The following LARP4B variants were observed in gnomAD, a reference collection of about 807,000 sequenced individuals.
LARP4B encodes the protein La ribonucleoprotein 4B, also known as la-related protein 4B.
LARP4B carries 12 observed loss-of-function variants against 89.8 expected under a neutral mutation model. That is an observed-to-expected ratio of 0.13 (90% CI 0.09 to 0.22). The LOEUF (loss-of-function observed/expected upper bound fraction) is 0.22, where lower values mean the gene tolerates loss of function less well. LARP4B is among the 10% of genes least tolerant of loss of function. The pLI, the probability that LARP4B is intolerant of heterozygous loss-of-function variation, is 1.00. For synonymous variants in LARP4B, 367 were observed against 363.3 expected (o/e 1.01, Z -0.12); for missense variants, 757 against 947.7 (o/e 0.80, Z 2.64).
intron 1 of LARP4B, among the ~76,000 whole-genome samples, chr10:911,668 G>C (rs1836668586): frequency 1.3e-5 from 2 of 152,168 alleles, no homozygotes; most frequent in Admixed American, 1.3e-4. Flanking sequence ...ACAGGAAGAG[G>C]CAACACTCAC....
chr10:894,901 T>A (rs1836140713), intron 1 of LARP4B, among the ~76,000 whole-genome samples: 1 of 152,150 alleles, frequency 6.6e-6, no homozygotes. Flanking sequence ...CTGTCCACAA[T>A]AAGCCAGGCA....
intron 11 of LARP4B, among the ~76,000 whole-genome samples, chr10:826,597 AAAAC>A (rs879892392): frequency 7.2e-5 from 11 of 152,328 alleles, no homozygotes; most frequent in East Asian, 5.8e-4. Flanking sequence ...AGTTCCTTTA[AAAAC>A]AAACAAACAA....
At position 830,925 on chromosome 10, in the gene LARP4B, TCA is replaced by T. The variant is rs1832871459; in HGVS notation, c.801_802del (p.Cys267Ter). The T allele has an allele frequency of 7.0e-7, 1 of 1,419,382 alleles. No individual in the cohort carries two copies. The allele number at this position is 1,419,382 out of a possible 1,614,324, so 87.9% of individuals were successfully genotyped here. Reference sequence around the variant, plus strand: ...AAACCAATTATCATTATATGCAAATTCACAGTTTATAAATTTTGGTAAATTAT... The same window carrying T: ...AAACCAATTATCATTATATGCAAATTCAGTTTATAAATTTTGGTAAATTAT... On this transcript the variant is annotated stop_gained and frameshift_variant, in exon 9 of 18. Transcript: ENST00000316157. LOFTEE classifies it high-confidence loss of function.
chr10:916,186 T>C (rs1836816813), intron 1 of LARP4B, among the ~76,000 whole-genome samples: 1 of 152,184 alleles, frequency 6.6e-6, no homozygotes, highest in South Asian at 2.1e-4. Context: ...ATGTCAGACA[T>C]AATTATGGTT....
chr10:950,411 G>A, the LARP4B span, among the ~76,000 whole-genome samples: 20 of 152,234 alleles, frequency 1.3e-4, no homozygotes, highest in Non-Finnish European at 2.6e-4. Context: ...TTAAGTCTGT[G>A]ATCCATTTTG....
chr10:954,039 G>A, the LARP4B span, among the ~76,000 whole-genome samples: 1 of 152,246 alleles, frequency 6.6e-6, no homozygotes, highest in African/African-American at 2.4e-5. The surrounding 1 kb of genome is among the most constrained non-coding windows in gnomAD (Gnocchi z 5.0). Flanking sequence ...CTGGAGTCCT[G>A]TCTGTGTGTG....
At chr10:983,597 C>T in the LARP4B span, among the ~76,000 whole-genome samples, 531 of 152,262 alleles carry the variant, frequency 3.5e-3, 3 homozygotes, top group African/African-American at 0.012. Flanking sequence ...GTCGGGGAAG[C>T]CTGGGAGCAG....
chr10:894,007 A>G (rs989680832), intron 1 of LARP4B, among the ~76,000 whole-genome samples: 1 of 152,218 alleles, frequency 6.6e-6, no homozygotes, highest in Admixed American at 6.5e-5. Flanking sequence ...CAAGAACCAC[A>G]GTCAATGGGG....
In LARP4B at chr10:811,533, G is replaced by T. The variant is rs1481525744; in HGVS notation, c.*1393C>A. Reference sequence around the variant, plus strand: ...GCGACAGGAGATCCACGCAGTAACTGAGTAACTCTGACCCACTCACGCCAA... The same window carrying T: ...GCGACAGGAGATCCACGCAGTAACTTAGTAACTCTGACCCACTCACGCCAA... On this transcript the variant is annotated 3_prime_UTR_variant, in exon 18 of 18. Transcript: ENST00000316157. The T allele has an allele frequency of 2.6e-5, 4 of 152,640 alleles. No individual in the cohort carries two copies. Among genetic ancestry groups the T allele is most frequent in the Admixed American group, 6.5e-5 (1 of 15,286 alleles). The allele number at this position is 152,640 out of a possible 1,614,324, so 9.5% of individuals were successfully genotyped here.
chr10:896,153 C>T (rs1836183237), intron 1 of LARP4B, among the ~76,000 whole-genome samples: 1 of 152,250 alleles, frequency 6.6e-6, no homozygotes, highest in Admixed American at 6.5e-5. Context: ...ACTGCTCAGT[C>T]CTGTTCACTA....
chr10:906,789 G>C (rs1244302968), intron 1 of LARP4B, among the ~76,000 whole-genome samples: 1 of 152,176 alleles, frequency 6.6e-6, no homozygotes, highest in African/African-American at 2.4e-5. Flanking sequence ...ATTGACTCAG[G>C]TGCCCAAGGC....
At chr10:893,628 T>C (rs1374227350) in intron 1 of LARP4B, among the ~76,000 whole-genome samples, 1 of 152,224 alleles carries the variant, frequency 6.6e-6, no homozygotes, top group Non-Finnish European at 1.5e-5. Flanking sequence ...TCTTGCCTTA[T>C]TCATCTACGC....
intron 5 of LARP4B, among the ~76,000 whole-genome samples, chr10:861,228 A>T (rs575257355): frequency 3.9e-5 from 6 of 152,318 alleles, no homozygotes; most frequent in Admixed American, 3.9e-4. Context: ...GGTGTTTGGG[A>T]TGTTCGTGAT....
At chr10:807,974 T>G (rs780438851), downstream of LARP4B, 1 of 152,252 alleles carries the variant, frequency 6.6e-6, no homozygotes, top group African/African-American at 2.4e-5. Flanking sequence ...CCTTCTTCAG[T>G]TGGTTCAATC....
At chr10:937,354 A>T in the LARP4B span, among the ~76,000 whole-genome samples, 2 of 152,150 alleles carry the variant, frequency 1.3e-5, no homozygotes, top group African/African-American at 2.4e-5. Context: ...GAATTATTTT[A>T]AAAATCACTA....
intron 3 of LARP4B, among the ~76,000 whole-genome samples, chr10:867,400 T>G (rs1438961079): frequency 6.6e-6 from 1 of 152,182 alleles, no homozygotes; most frequent in Non-Finnish European, 1.5e-5. Context: ...ATTAGAAAGT[T>G]AGATTCTAAG....
At chr10:935,636 T>C (rs1399532632), upstream of LARP4B, among the ~76,000 whole-genome samples, 5 of 151,970 alleles carry the variant, frequency 3.3e-5, no homozygotes, top group Non-Finnish European at 5.9e-5. Flanking sequence ...ACCAAACAAA[T>C]ACAGCATGTG....
In LARP4B at chr10:885,130, C is replaced by G. The variant is rs142386547; in HGVS notation, c.81+511G>C. 4.8e-3 allele frequency among the ~76,000 whole-genome samples: 727 copies of G among 152,274 alleles called. 5 individuals carry two copies. Among genetic ancestry groups the G allele is most frequent in the African/African-American group, 0.016 (685 of 41,528 alleles). The stretch of plus-strand genomic sequence containing the variant: ...TCTCCTTGCCCCTTCTCCCTTGAAG[C>G]AGGCCATAAAACACAGCTGACATTC... On this transcript the variant is annotated intron_variant, in intron 2 of 17. Coordinates refer to ENST00000316157, the MANE Select transcript of LARP4B (RefSeq NM_015155.3).
the LARP4B span, among the ~76,000 whole-genome samples, chr10:977,738 A>G: frequency 6.6e-5 from 10 of 152,224 alleles, no homozygotes; most frequent in Non-Finnish European, 1.5e-4. Context: ...ATGACAAAGT[A>G]CACAGGAGGA....
Sources: gnomAD v4.1 joint callset for allele counts (sites outside exome capture counted in the v4.1 genomes callset) on GRCh38, gnomAD v4.1.1 for gene constraint, Gnocchi (gnomAD v3.1) non-coding constraint, MANE v1.5 for transcripts, NCBI Gene and HGNC (gene_info 2026-07-23, HGNC 2026-07-21) for gene names.